HDAC9: variants seen among roughly 807,000 people sequenced by gnomAD.
HDAC9 encodes MEF-2 interacting transcription repressor (MITR) protein.
HDAC9 carries 41 observed loss-of-function variants against 139.4 expected under a neutral mutation model. That is an observed-to-expected ratio of 0.29 (90% CI 0.23 to 0.38). The LOEUF (loss-of-function observed/expected upper bound fraction) is 0.38. HDAC9 is among the 10% of genes least tolerant of loss of function. HDAC9 has a pLI of 1.00. For synonymous variants in HDAC9, 517 were observed against 476.2 expected (o/e 1.09, Z -1.12); for missense variants, 1,147 against 1,297.0 (o/e 0.88, Z 1.78).
intron 13 of HDAC9, among the ~76,000 whole-genome samples, chr7:18,734,993 A>T (rs1786751587): frequency 6.6e-6 from 1 of 152,206 alleles, no homozygotes; most frequent in African/African-American, 2.4e-5. Flanking sequence ...ACCAGTGAAG[A>T]TGAGTATTTT....
chr7:18,184,369 C>A (rs958697704), intron 2 of HDAC9, among the ~76,000 whole-genome samples: 7 of 152,110 alleles, frequency 4.6e-5, no homozygotes, highest in Admixed American at 4.6e-4. Context: ...CATAGCACTC[C>A]AGCATGGGCA....
intron 1 of HDAC9, among the ~76,000 whole-genome samples, chr7:18,386,871 C>T (rs1785985133): frequency 6.6e-6 from 1 of 152,194 alleles, no homozygotes; most frequent in Non-Finnish European, 1.5e-5. Context: ...CACCACATGG[C>T]CAAATTCATT....
chr7:18,419,524 C>T (rs1315488096), intron 1 of HDAC9, among the ~76,000 whole-genome samples: 1 of 149,954 alleles, frequency 6.7e-6, no homozygotes, highest in Non-Finnish European at 1.5e-5. Context: ...CATTTCCTGG[C>T]AGTATTTCTC....
chr7:18,627,450 T>G (rs747141193), intron 6 of HDAC9, among the ~76,000 whole-genome samples: 6 of 152,206 alleles, frequency 3.9e-5, no homozygotes, highest in Non-Finnish European at 8.8e-5. Flanking sequence ...GATAAATATA[T>G]TTATTATCTA....
chr7:18,163,489 C>T (rs918895501), intron 2 of HDAC9, among the ~76,000 whole-genome samples: 2 of 152,122 alleles, frequency 1.3e-5, no homozygotes, highest in Admixed American at 6.5e-5. Flanking sequence ...TTTTTGATTT[C>T]GTAAGTCTAG....
At chr7:18,097,071 T>C (rs1484106586) in intron 1 of HDAC9, among the ~76,000 whole-genome samples, 3 of 152,206 alleles carry the variant, frequency 2.0e-5, no homozygotes, top group Admixed American at 1.3e-4. Context: ...CATGTGGTCT[T>C]TGAAATTTAG....
chr7:18,097,579 A>AT (rs751375968), intron 1 of HDAC9, among the ~76,000 whole-genome samples: 29 of 146,524 alleles, frequency 2.0e-4, no homozygotes, highest in Admixed American at 1.0e-3. Context: ...CATTATTATC[A>AT]TTTTTAGAGA....
At chr7:18,466,596 A>G (rs1173534377) in intron 1 of HDAC9, among the ~76,000 whole-genome samples, 3 of 151,904 alleles carry the variant, frequency 2.0e-5, no homozygotes, top group Admixed American at 6.6e-5. Context: ...TCTCTGACCG[A>G]CTCCTCTGAC....
chr7:18,678,538 C>T (rs6461382), intron 12 of HDAC9, among the ~76,000 whole-genome samples: 32,323 of 151,516 alleles, frequency 0.21, 5,727 homozygotes, highest in African/African-American at 0.48. Flanking sequence ...GTACATTTTC[C>T]ATTGCTGTAC....
At chr7:18,884,674 C>T (rs1799992430) in intron 22 of HDAC9, among the ~76,000 whole-genome samples, 1 of 152,128 alleles carries the variant, frequency 6.6e-6, no homozygotes, top group Non-Finnish European at 1.5e-5. Flanking sequence ...TACAAGTCTC[C>T]CTCTGCATGT....
chr7:18,327,258 C>T (rs1800526395), intron 1 of HDAC9, among the ~76,000 whole-genome samples: 1 of 151,708 alleles, frequency 6.6e-6, no homozygotes, highest in South Asian at 2.1e-4. Context: ...TGAGCAGTTA[C>T]CTACTATAGA....
At chr7:18,788,524 G>A (rs1792015211) in intron 16 of HDAC9, among the ~76,000 whole-genome samples, 2 of 152,224 alleles carry the variant, frequency 1.3e-5, no homozygotes, top group Admixed American at 6.5e-5. Context: ...GGAGGCTGAG[G>A]CAGACGGATC....
chr7:18,223,599 C>G (rs546813717), intron 2 of HDAC9, among the ~76,000 whole-genome samples: 4 of 152,128 alleles, frequency 2.6e-5, no homozygotes, highest in African/African-American at 7.2e-5. Flanking sequence ...TTAATACAAA[C>G]AAACAAGAAA....
At chr7:18,849,736 A>C (rs1388694022) in intron 21 of HDAC9, among the ~76,000 whole-genome samples, 2 of 152,188 alleles carry the variant, frequency 1.3e-5, no homozygotes, top group African/African-American at 2.4e-5. Context: ...AAAGGGGAGA[A>C]TTTCCATTAA....
At chr7:18,886,706 T>C (rs1160697940) in intron 22 of HDAC9, among the ~76,000 whole-genome samples, 1 of 152,190 alleles carries the variant, frequency 6.6e-6, no homozygotes, top group Admixed American at 6.5e-5. Flanking sequence ...TTATATTTTC[T>C]TTACAGACTT....
At position 18,168,897 on chromosome 7, in the gene HDAC9, T is replaced by TGTGTG. The variant is rs1554318207; in HGVS notation, c.25+6548_25+6549insGTGTG. Among the ~76,000 whole-genome samples the TGTGTG allele has an allele frequency of 1.5e-3, 138 of 94,326 alleles. 1 individual carries two copies. Among genetic ancestry groups the TGTGTG allele is most frequent in the African/African-American group, 6.1e-3 (106 of 17,302 alleles). 61.9% of individuals were successfully genotyped at this position (94,326 alleles called of 152,430 possible). A position where few individuals can be genotyped will look rare whatever the true frequency, so the allele number is the denominator to read the frequency against. On this transcript the variant is annotated intron_variant, in intron 2 of 12. Transcript: ENST00000417496. Reference sequence around the variant, plus strand: ...ATGTCTTGTTTTTTTTTTTTTTTTTTTGTGTGTGTGTGTGTGTGTGTGTGT... The same window carrying TGTGTG: ...ATGTCTTGTTTTTTTTTTTTTTTTTTGTGTGTGTGTGTGTGTGTGTGTGTGTGTGT...
chr7:18,719,676 T>G (rs1459729009), intron 12 of HDAC9, among the ~76,000 whole-genome samples: 1 of 152,122 alleles, frequency 6.6e-6, no homozygotes, highest in African/African-American at 2.4e-5. Context: ...GGGTCTCTTT[T>G]GCCTTTGGTC....
intron 16 of HDAC9, among the ~76,000 whole-genome samples, chr7:18,776,536 A>G (rs1585017775): frequency 6.6e-6 from 1 of 152,116 alleles, no homozygotes; most frequent in Admixed American, 6.6e-5. Flanking sequence ...ACTGGAACTT[A>G]TATTCCAGTT....
intron 1 of HDAC9, among the ~76,000 whole-genome samples, chr7:18,474,504 T>G (rs1406694288): frequency 2.0e-5 from 3 of 152,246 alleles, no homozygotes; most frequent in Non-Finnish European, 4.4e-5. Flanking sequence ...TATTTCTTTA[T>G]TTGTACATAT....
Sources: allele counts gnomAD v4.1 joint callset (sites outside exome capture counted in the v4.1 genomes callset), GRCh38; gene constraint gnomAD v4.1.1; transcripts MANE v1.5; gene names NCBI Gene and HGNC (gene_info 2026-07-23, HGNC 2026-07-21).